DAPK1: variants seen among roughly 807,000 people sequenced by gnomAD.
The protein encoded by DAPK1 is death associated protein kinase 1, also known as death-associated protein kinase 1.
Under a neutral mutation model 144.9 loss-of-function variants are expected in DAPK1, and 56 were observed. That is an observed-to-expected ratio of 0.39 (90% CI 0.31 to 0.48). The LOEUF (loss-of-function observed/expected upper bound fraction) is 0.48, where lower values mean the gene tolerates loss of function less well. Ranked by LOEUF, DAPK1 falls within the 20% of genes least tolerant of loss-of-function variation. The pLI, the probability that DAPK1 is intolerant of heterozygous loss-of-function variation, is 0.95. For synonymous variants in DAPK1, 690 were observed against 749.0 expected (o/e 0.92, Z 1.29); for missense variants, 1,454 against 1,875.4 (o/e 0.78, Z 4.15).
intron 2 of DAPK1, among the ~76,000 whole-genome samples, chr9:87,584,928 C>G (rs540435204): frequency 2.6e-5 from 4 of 152,166 alleles, no homozygotes; most frequent in African/African-American, 9.7e-5. Context: ...CCACCCACCT[C>G]GGCCTCTCAA....
At chr9:87,643,551 C>T in intron 11 of DAPK1, 83 bp downstream of exon 11, 2 of 924,196 alleles carry the variant, frequency 2.2e-6, no homozygotes, top group Admixed American at 4.4e-5. Context: ...GTTCAACCTC[C>T]CAGGAACCTG....
intron 3 of DAPK1, chr9:87,632,486 A>G (rs1587790584): frequency 3.1e-6 from 3 of 980,578 alleles, no homozygotes; most frequent in Non-Finnish European, 3.6e-6. Context: ...GGTGATCAGT[A>G]TATATGTAGG....
intron 2 of DAPK1, among the ~76,000 whole-genome samples, chr9:87,503,537 A>G (rs1053179640): frequency 3.3e-5 from 5 of 152,200 alleles, no homozygotes; most frequent in Admixed American, 6.5e-5. Flanking sequence ...CCATGGGGCC[A>G]TTACCTTGGA....
At chr9:87,622,619 G>C (rs183957728) in intron 3 of DAPK1, among the ~76,000 whole-genome samples, 93 of 152,148 alleles carry the variant, frequency 6.1e-4, no homozygotes, top group African/African-American at 2.2e-3. Flanking sequence ...CTCAATTTAA[G>C]AAAAAAATAG....
chr9:87,611,343 G>T (rs563776108), intron 3 of DAPK1, among the ~76,000 whole-genome samples: 5 of 152,120 alleles, frequency 3.3e-5, no homozygotes, highest in African/African-American at 4.8e-5. Flanking sequence ...TAGAGACGGG[G>T]TGTCCCTATG....
chr9:87,518,898 AT>A (rs1825185881), intron 2 of DAPK1, among the ~76,000 whole-genome samples: 1 of 147,760 alleles, frequency 6.8e-6, no homozygotes. Flanking sequence ...ACAGGCATCC[AT>A]CCAGTAATAT....
At chr9:87,620,586 G>T (rs1016718195) in intron 3 of DAPK1, among the ~76,000 whole-genome samples, 3 of 150,700 alleles carry the variant, frequency 2.0e-5, no homozygotes, top group Non-Finnish European at 4.4e-5. Flanking sequence ...GGGAGGGAGA[G>T]GGGAGGAGGA....
At chr9:87,645,758 G>C (rs2274608) in intron 11 of DAPK1, 137 bp from the exon 12 acceptor site, 1 of 1,100,044 alleles carries the variant, frequency 9.1e-7, no homozygotes, top group East Asian at 2.5e-5. Context: ...CTCCATGACT[G>C]TATGGATTTG....
In DAPK1 at chr9:87,640,829, G is replaced by A. The variant is rs1329711614; in HGVS notation, c.810G>A (p.Leu270=). 6.2e-7 allele frequency: 1 copy of A among 1,614,124 alleles called. No individual in the cohort carries two copies. Among genetic ancestry groups the A allele is most frequent in the South Asian group, 1.1e-5 (1 of 91,086 alleles). ...PKKRMTIQDS[L]QHPWIKPKDT... is the part of the protein sequence containing the mutation. ...AGAGAATGACAATTCAAGATAGTTT[G>A]CAGCATCCCTGGATCAAGGTGAGTT... The change falls in exon 9 of 26, where the codon TTG becomes TTA. Residue 270 remains leucine, a synonymous_variant. Coordinates refer to ENST00000408954, the MANE Select transcript of DAPK1 (RefSeq NM_004938.4).
intron 2 of DAPK1, among the ~76,000 whole-genome samples, chr9:87,568,268 T>C (rs994036073): frequency 2.6e-5 from 4 of 152,236 alleles, no homozygotes; most frequent in African/African-American, 9.6e-5. Context: ...CTCTTCCAAG[T>C]CTTCATGCAT....
At chr9:87,546,978 A>C (rs1305909617) in intron 2 of DAPK1, among the ~76,000 whole-genome samples, 1 of 152,128 alleles carries the variant, frequency 6.6e-6, no homozygotes, top group East Asian at 1.9e-4. Flanking sequence ...GCCATATGGC[A>C]AAACCCCGTC....
Position 87,700,235 on chromosome 9 carries a change from T to A in DAPK1, c.2869T>A (p.Ser957Thr), listed in dbSNP as rs1340611677. 6 of 1,612,064 alleles carry A rather than the reference T, an allele frequency of 3.7e-6. No homozygotes were observed. The African/African-American group carries it at 8.0e-5, about 22-fold the overall frequency. ...HLQEIRSQIV[S>T]VCPPMTHLCE... Reference sequence around the variant, plus strand: ...GCAAGAAATACGAAGCCAGATTGTTTCGGTAAGTACACCATGGAAAGAGCC... The same window carrying A: ...GCAAGAAATACGAAGCCAGATTGTTACGGTAAGTACACCATGGAAAGAGCC... The change falls in exon 24 of 26, where the codon TCG becomes ACG. Residue 957 changes from serine to threonine, a missense_variant and splice_region_variant. By Grantham distance (58) the Ser-to-Thr change is moderately conservative. Coordinates refer to ENST00000408954, the MANE Select transcript of DAPK1 (RefSeq NM_004938.4).
At chr9:87,693,056 A>G (rs1013963137) in intron 21 of DAPK1, among the ~76,000 whole-genome samples, 1 of 127,634 alleles carries the variant, frequency 7.8e-6, no homozygotes, top group African/African-American at 3.0e-5. Flanking sequence ...CATGGAGAGG[A>G]CCTTTTTTCG....
Position 87,612,412 on chromosome 9 carries a change from A to G in DAPK1, c.284+7237A>G, listed in dbSNP as rs899824156. Among the ~76,000 whole-genome samples the G allele has an allele frequency of 3.3e-5, 5 of 152,348 alleles. No homozygotes were observed. The East Asian group carries it at 7.7e-4, about 24-fold the overall frequency. On this transcript the variant is annotated intron_variant, in intron 3 of 25. Coordinates refer to ENST00000408954, the MANE Select transcript of DAPK1 (RefSeq NM_004938.4). The stretch of plus-strand genomic sequence containing the variant: ...GAATGGAGTGAAGCATCTATACGCC[A>G]AGGAACCTGCCAGAAACTAGGACAG...
At chr9:87,701,699 T>G (rs1336856291) in intron 24 of DAPK1, 5 of 327,882 alleles carry the variant, frequency 1.5e-5, no homozygotes, top group Non-Finnish European at 3.1e-5. Flanking sequence ...CTCTCTTACC[T>G]TTGAAGCTGC....
intron 14 of DAPK1, among the ~76,000 whole-genome samples, chr9:87,647,909 A>T (rs36213348): frequency 6.6e-6 from 1 of 152,210 alleles, no homozygotes; most frequent in East Asian, 1.9e-4. Flanking sequence ...CCTTGTTTTC[A>T]TATGTGTGTG....
intron 10 of DAPK1, 63 bp downstream of exon 10, chr9:87,642,121 C>T: frequency 7.6e-7 from 1 of 1,311,922 alleles, no homozygotes; most frequent in Non-Finnish European, 1.1e-6. Flanking sequence ...AGTGTGTGGT[C>T]AGGGTGCATC....
chr9:87,642,278 TG>T (rs1175164941), intron 10 of DAPK1, among the ~76,000 whole-genome samples: 1 of 152,252 alleles, frequency 6.6e-6, no homozygotes. Flanking sequence ...AATTTTGTGT[TG>T]TTTTCATCAA....
chr9:87,604,094 G>C (rs1025691092), intron 2 of DAPK1, among the ~76,000 whole-genome samples: 5 of 152,092 alleles, frequency 3.3e-5, no homozygotes, highest in African/African-American at 1.2e-4. Flanking sequence ...CCTTTTACTG[G>C]CTCTGCTTCT....
Sources: gnomAD v4.1 joint callset for allele counts (sites outside exome capture counted in the v4.1 genomes callset) on GRCh38, gnomAD v4.1.1 for gene constraint, MANE v1.5 for transcripts, NCBI Gene and HGNC (gene_info 2026-07-23, HGNC 2026-07-21) for gene names.